The following ALDH3B1 variants were observed in gnomAD, a reference collection of about 807,000 sequenced individuals.
ALDH3B1 encodes aldehyde dehydrogenase family 3 member B1.
A neutral mutation model predicts 46.2 loss-of-function variants in ALDH3B1; 37 were observed. The ratio of observed to expected loss-of-function variants is 0.80; its 90% confidence interval spans 0.62 to 1.05. The LOEUF (loss-of-function observed/expected upper bound fraction) is 1.05, where lower values mean the gene tolerates loss of function less well. Among genes scored for constraint, ALDH3B1 ranks in the 50% least tolerant of loss-of-function variants. The pLI is 0.00. For missense variants in ALDH3B1, 603 were observed against 665.5 expected (o/e 0.91, Z 1.03); for synonymous variants, 283 against 281.0 (o/e 1.01, Z -0.07).
intron 7 of ALDH3B1, among the ~76,000 whole-genome samples, chr11:68,022,212 G>A (rs938627635): frequency 3.3e-5 from 5 of 152,176 alleles, no homozygotes; most frequent in Admixed American, 6.5e-5. Flanking sequence ...TCTAAACTCC[G>A]AGAGTCCCGT....
At position 68,019,737 on chromosome 11, in the gene ALDH3B1, G is replaced by C. The variant is rs1443290013; in HGVS notation, c.503G>C (p.Gly168Ala). Residue 168 changes from glycine to alanine, a missense_variant, in exon 6 of 10, where the codon GGC becomes GCC. By Grantham distance (60) the Gly-to-Ala change is moderately conservative (BLOSUM62 0). Transcript: ENST00000342456. ...VDQSCFAVVLGGPQETGQLLE... is the reference protein window; with the variant it reads ...VDQSCFAVVLAGPQETGQLLE... ...CAGAGCTGCTTTGCTGTGGTGCTGG[G>C]CGGGCCCCAGGAGACGGGGCAGCTG... is the stretch of plus-strand genomic sequence containing the variant. 6.2e-7 allele frequency: 1 copy of C among 1,614,174 alleles called. No homozygotes were observed. Among genetic ancestry groups the C allele is most frequent in the African/African-American group, 1.3e-5 (1 of 75,074 alleles).
Position 68,028,019 on chromosome 11 carries a change from G to C in ALDH3B1, c.*80G>C. ...GTGGAGACGGGGCCTGGGCTCCCGG[G>C]CCCGAGGAGGAAAAGGATTGCCAAG... On this transcript the variant is annotated 3_prime_UTR_variant, in exon 10 of 10. Coordinates refer to ENST00000342456, the MANE Select transcript of ALDH3B1 (RefSeq NM_000694.4). 6.5e-7 allele frequency: 1 copy of C among 1,547,644 alleles called. No individual in the cohort carries two copies. The highest frequency in any genetic ancestry group is 8.8e-7 in the Non-Finnish European group (1 of 1,140,314).
intron 2 of ALDH3B1, chr11:68,018,277 A>C: frequency 1.9e-6 from 1 of 526,344 alleles, no homozygotes; most frequent in Non-Finnish European, 3.4e-6. Context: ...GTCCTAATGG[A>C]GCCGTCAGCG....
Position 68,019,671 on chromosome 11 carries a change from G to C in ALDH3B1, c.481-44G>C, listed in dbSNP as rs61887541. 3.7e-6 allele frequency: 6 copies of C among 1,603,482 alleles called. No individual in the cohort carries two copies. In the South Asian group the frequency reaches 6.6e-5, roughly 18 times the overall value. On this transcript the variant is annotated intron_variant, in intron 5 of 9. Transcript: ENST00000342456. ...GGGCGGGCTGCTCCCTTGTGTTCTC[G>C]GAGCTGGGGTCCCAGAAGGAGCCTC...
At chr11:68,013,853 G>A (rs868073487) in intron 1 of ALDH3B1, among the ~76,000 whole-genome samples, 3 of 152,208 alleles carry the variant, frequency 2.0e-5, no homozygotes, top group Non-Finnish European at 4.4e-5. Flanking sequence ...TCCTGTGTGC[G>A]GGCCACTGCC....
chr11:68,019,031 G>A (rs965022347), intron 4 of ALDH3B1, 138 bp downstream of exon 4: 37 of 1,448,094 alleles, frequency 2.6e-5, no homozygotes, highest in Non-Finnish European at 3.3e-5. Context: ...CGGGCTGTGT[G>A]GCCCTGGGCC....
rs770933574 is a variant in ALDH3B1, at chr11:68,026,045, G to T, written c.1153G>T (p.Gly385Cys). Residue 385 changes from glycine (G) to cysteine (C), a missense_variant, in exon 9 of 10, where the codon GGC becomes TGC. Physicochemically the swap from Gly to Cys is radical, Grantham distance 159. Transcript: ENST00000342456. The stretch of plus-strand genomic sequence containing the variant: ...GGTGCTGACCCAGACCAGCAGCGGG[G>T]GCTTCTGTGGGAACGACGGCTTCAT... Reference protein sequence around the residue: ...KRVLTQTSSGGFCGNDGFMHM... With the variant: ...KRVLTQTSSGCFCGNDGFMHM... 6.2e-7 allele frequency: 1 copy of T among 1,608,794 alleles called. No individual in the cohort carries two copies. The highest frequency in any genetic ancestry group is 1.1e-5 in the South Asian group (1 of 89,824).
intron 1 of ALDH3B1, chr11:68,015,095 C>G (rs1418176555): frequency 2.6e-5 from 14 of 534,592 alleles, no homozygotes; most frequent in Non-Finnish European, 4.5e-5. Flanking sequence ...GGAGTGCTCA[C>G]TGTTGGGTGA....
At chr11:68,019,932 T>C (rs1857450851) in intron 6 of ALDH3B1, 136 bp downstream of exon 6, 2 of 980,544 alleles carry the variant, frequency 2.0e-6, no homozygotes, top group Admixed American at 2.3e-5. Flanking sequence ...CTGGGAGCAG[T>C]CCTGGACCCC....
At chr11:68,017,131 A>C (rs1565134689) in intron 2 of ALDH3B1, 1 of 152,346 alleles carries the variant, frequency 6.6e-6, no homozygotes, top group African/African-American at 2.4e-5. Flanking sequence ...GCAGCCAGGA[A>C]GAGCAGAGCC....
intron 7 of ALDH3B1, 34 bp from the exon 8 acceptor site, chr11:68,022,561 G>A (rs1565138585): frequency 6.2e-7 from 1 of 1,608,240 alleles, no homozygotes; most frequent in African/African-American, 1.3e-5. Context: ...TCCTGACTGT[G>A]GCCCCAGGGC....
chr11:68,015,846 G>T (rs567815235), intron 2 of ALDH3B1: 149 of 358,464 alleles, frequency 4.2e-4, no homozygotes, highest in South Asian at 3.0e-3. Context: ...TGGGCGGATC[G>T]CTTGAGGCCA....
rs557502210 is a variant in ALDH3B1 at position 68,022,503 on chromosome 11, C to T, written c.950-92C>T. On this transcript the variant is annotated intron_variant, in intron 7 of 9. Coordinates refer to ENST00000342456, the MANE Select transcript of ALDH3B1 (RefSeq NM_000694.4). The stretch of plus-strand genomic sequence containing the variant: ...CAGACCTTGGGATCCTGGCCTAGAG[C>T]CCTGGCCTGTGGCCCTGTCCCCACC... The T allele has an allele frequency of 1.8e-5, 27 of 1,499,078 alleles. 1 individual carries two copies. The Admixed American group carries it at 3.7e-4, about 20-fold the overall frequency. 92.9% of individuals were successfully genotyped at this position (1,499,078 alleles called of 1,614,324 possible). A position where few individuals can be genotyped will look rare whatever the true frequency, so the allele number is the denominator to read the frequency against.
rs1169399662 is a variant in ALDH3B1, at chr11:68,018,769, C to T, written c.274-4C>T. The stretch of plus-strand genomic sequence containing the variant: ...CTTAATTTCATCCCCGGCTCCCGGC[C>T]CAGGCCACGCAGCTGGACTCCGCCT... On this transcript the variant is annotated splice_region_variant and splice_polypyrimidine_tract_variant and intron_variant, in intron 3 of 9. Coordinates refer to ENST00000342456, the MANE Select transcript of ALDH3B1 (RefSeq NM_000694.4). 3 of 1,552,210 alleles carry T rather than the reference C, an allele frequency of 1.9e-6. No homozygotes were observed. The highest frequency in any genetic ancestry group is 2.6e-6 in the Non-Finnish European group (3 of 1,147,688).
At chr11:68,027,145 C>T (rs1427635331) in intron 9 of ALDH3B1, among the ~76,000 whole-genome samples, 2 of 152,138 alleles carry the variant, frequency 1.3e-5, no homozygotes, top group Non-Finnish European at 1.5e-5. Flanking sequence ...CCGCATGGCA[C>T]CCACCTCTAA....
intron 2 of ALDH3B1, chr11:68,015,797 G>A: frequency 2.4e-6 from 1 of 415,868 alleles, no homozygotes; most frequent in Non-Finnish European, 4.7e-6. Context: ...CGGGCATGGT[G>A]GCTCACACCT....
chr11:68,027,137 G>A lies in ALDH3B1; in HGVS notation c.1217-612G>A, dbSNP rs530847665. 4.0e-5 allele frequency among the ~76,000 whole-genome samples: 6 copies of A among 151,862 alleles called. No individual in the cohort carries two copies. In the South Asian group the frequency reaches 1.0e-3, roughly 26 times the overall value. On this transcript the variant is annotated intron_variant, in intron 9 of 9. Coordinates refer to ENST00000342456, the MANE Select transcript of ALDH3B1 (RefSeq NM_000694.4). Reference sequence around the variant, plus strand: ...GCTCTGCCCAGGTCCCTAACACACCGCATGGCACCCACCTCTAAGGCTCCC... The same window carrying A: ...GCTCTGCCCAGGTCCCTAACACACCACATGGCACCCACCTCTAAGGCTCCC...
At chr11:68,022,832 G>A in intron 8 of ALDH3B1, 71 bp downstream of exon 8, 1 of 1,589,534 alleles carries the variant, frequency 6.3e-7, no homozygotes, top group Non-Finnish European at 8.6e-7. Flanking sequence ...CAGCAGGGGG[G>A]GCACCAAAAT....
chr11:68,011,892 T>C (rs990020148), intron 1 of ALDH3B1, among the ~76,000 whole-genome samples: 2 of 152,164 alleles, frequency 1.3e-5, no homozygotes, highest in Non-Finnish European at 2.9e-5. Context: ...CTCCCGACAG[T>C]GGTATGGGTG....
Sources: gnomAD v4.1 joint callset for allele counts (sites outside exome capture counted in the v4.1 genomes callset) on GRCh38, gnomAD v4.1.1 for gene constraint, MANE v1.5 for transcripts, NCBI Gene and HGNC (gene_info 2026-07-23, HGNC 2026-07-21) for gene names.